PHACTR1: variants seen among roughly 807,000 people sequenced by gnomAD.
The protein encoded by PHACTR1 is RPEL repeat containing 1.
PHACTR1 carries 16 observed loss-of-function variants against 69.2 expected under a neutral mutation model. The ratio of observed to expected loss-of-function variants is 0.23; its 90% CI spans 0.16 to 0.35. The LOEUF (loss-of-function observed/expected upper bound fraction) is 0.35. Among genes scored for constraint, PHACTR1 ranks in the 10% least tolerant of loss-of-function variants. The probability of loss-of-function intolerance (pLI) is 1.00; values close to 1 mark genes in which losing one functional copy is unlikely to be tolerated. For missense variants in PHACTR1, 510 were observed against 734.7 expected, an observed-to-expected ratio of 0.69 and a Z score of 3.54; for synonymous variants, 312 against 284.5, an observed-to-expected ratio of 1.10 and a Z score of -0.97.
chr6:12,863,692 G>A (rs190658787), intron 4 of PHACTR1, among the ~76,000 whole-genome samples: 31 of 152,318 alleles, frequency 2.0e-4, no homozygotes, highest in Non-Finnish European at 4.3e-4. Context: ...TCAGGTTTGG[G>A]TAATCACAAT....
chr6:12,874,824 A>T (rs1782382979), intron 4 of PHACTR1, among the ~76,000 whole-genome samples: 1 of 152,154 alleles, frequency 6.6e-6, no homozygotes, highest in African/African-American at 2.4e-5. Flanking sequence ...AAGAAAACGC[A>T]CCTGAATGAC....
chr6:12,720,760 T>C (rs1581405538), intron 3 of PHACTR1, among the ~76,000 whole-genome samples: 2 of 152,172 alleles, frequency 1.3e-5, no homozygotes, highest in South Asian at 2.1e-4. Context: ...GCCTGTGAAT[T>C]TGCATTTTAA....
At chr6:12,831,157 A>G (rs1370304077) in intron 4 of PHACTR1, among the ~76,000 whole-genome samples, 1 of 152,212 alleles carries the variant, frequency 6.6e-6, no homozygotes. Context: ...ATTAAAAATC[A>G]TTGCTCTGTG....
At chr6:13,247,193 TA>T (rs1398566616) in intron 10 of PHACTR1, among the ~76,000 whole-genome samples, 5 of 152,160 alleles carry the variant, frequency 3.3e-5, no homozygotes, top group Non-Finnish European at 7.4e-5. Context: ...GGTAGACAGA[TA>T]AACAGTGGGT....
intron 4 of PHACTR1, among the ~76,000 whole-genome samples, chr6:12,987,230 C>G (rs1171219705): frequency 6.6e-6 from 1 of 152,040 alleles, no homozygotes; most frequent in Non-Finnish European, 1.5e-5. Flanking sequence ...CTTTTTACAG[C>G]AGAATGACAT....
intron 4 of PHACTR1, among the ~76,000 whole-genome samples, chr6:12,765,168 C>A (rs756065830): frequency 6.6e-6 from 1 of 152,070 alleles, no homozygotes; most frequent in African/African-American, 2.4e-5. Flanking sequence ...CAACATAAAA[C>A]CTTGATGTGG....
chr6:13,077,043 T>C (rs953846782), intron 5 of PHACTR1, among the ~76,000 whole-genome samples: 1 of 150,572 alleles, frequency 6.6e-6, no homozygotes, highest in Non-Finnish European at 1.5e-5. Flanking sequence ...TATACATATG[T>C]AACTAACCTG....
At chr6:13,132,685 C>A (rs1225966174) in intron 5 of PHACTR1, among the ~76,000 whole-genome samples, 6 of 150,874 alleles carry the variant, frequency 4.0e-5, no homozygotes, top group Non-Finnish European at 8.8e-5. Context: ...AGCATCATGT[C>A]CAAAAAACAA....
At chr6:12,735,308 A>G (rs1166555918) in intron 3 of PHACTR1, among the ~76,000 whole-genome samples, 1 of 152,162 alleles carries the variant, frequency 6.6e-6, no homozygotes, top group Non-Finnish European at 1.5e-5. Flanking sequence ...TTATGACCTA[A>G]CCTCAGAAGT....
At chr6:12,739,395 A>G (rs1487950025) in intron 3 of PHACTR1, among the ~76,000 whole-genome samples, 2 of 152,220 alleles carry the variant, frequency 1.3e-5, no homozygotes, top group Non-Finnish European at 2.9e-5. Flanking sequence ...AGCCCAAGTC[A>G]TCAATACATT....
chr6:12,912,678 C>T (rs773237765), intron 4 of PHACTR1, among the ~76,000 whole-genome samples: 7 of 152,148 alleles, frequency 4.6e-5, no homozygotes, highest in Non-Finnish European at 1.0e-4. Context: ...GTAGGCTGGG[C>T]GCAATGGCTC....
chr6:13,169,293 G>A (rs1375629575), intron 6 of PHACTR1, among the ~76,000 whole-genome samples: 1 of 152,128 alleles, frequency 6.6e-6, no homozygotes, highest in Non-Finnish European at 1.5e-5. Context: ...TGTCCCCATT[G>A]AGTCTCAGAT....
intron 4 of PHACTR1, among the ~76,000 whole-genome samples, chr6:12,905,234 C>T (rs7745645): frequency 6.6e-6 from 1 of 152,156 alleles, no homozygotes; most frequent in Non-Finnish European, 1.5e-5. Context: ...GGTGCAGGAC[C>T]AGTGTCCTCA....
chr6:12,929,474 A>C (rs1788636984), intron 4 of PHACTR1, among the ~76,000 whole-genome samples: 1 of 152,194 alleles, frequency 6.6e-6, no homozygotes, highest in Non-Finnish European at 1.5e-5. Flanking sequence ...TTTCCCAGAG[A>C]GAGGAACTAT....
chr6:12,868,675 T>C (rs962366026), intron 4 of PHACTR1, among the ~76,000 whole-genome samples: 3 of 152,164 alleles, frequency 2.0e-5, no homozygotes, highest in African/African-American at 7.2e-5. Flanking sequence ...AAATTCTTTC[T>C]TACTACTCTG....
intron 10 of PHACTR1, among the ~76,000 whole-genome samples, chr6:13,247,431 C>T (rs919263632): frequency 5.3e-5 from 8 of 151,500 alleles, no homozygotes; most frequent in African/African-American, 1.9e-4. Context: ...TTGCAACCTC[C>T]GCCTCCTGGG....
intron 10 of PHACTR1, among the ~76,000 whole-genome samples, chr6:13,233,779 C>T (rs1771584121): frequency 2.0e-5 from 3 of 152,218 alleles, no homozygotes; most frequent in African/African-American, 7.2e-5. Context: ...GGAGAAGACA[C>T]ATCAACTAGG....
At chr6:12,858,697 G>C (rs1780647819) in intron 4 of PHACTR1, among the ~76,000 whole-genome samples, 1 of 152,010 alleles carries the variant, frequency 6.6e-6, no homozygotes, top group African/African-American at 2.4e-5. Context: ...TTGGTAGGCT[G>C]AGGTGGGAGG....
intron 5 of PHACTR1, among the ~76,000 whole-genome samples, chr6:13,138,962 G>A (rs1356699983): frequency 2.0e-5 from 3 of 152,118 alleles, no homozygotes; most frequent in East Asian, 1.9e-4. Flanking sequence ...ATAAGCTTAC[G>A]TTGATTTTCA....
Sources: gnomAD v4.1 joint callset for allele counts (sites outside exome capture counted in the v4.1 genomes callset) on GRCh38, gnomAD v4.1.1 for gene constraint, MANE v1.5 for transcripts, NCBI Gene and HGNC (gene_info 2026-07-23, HGNC 2026-07-21) for gene names.